RGPD2: variants seen among roughly 807,000 people sequenced by gnomAD.
The protein encoded by RGPD2 is RANBP2-like and GRIP domain-containing protein 2.
Under a neutral mutation model 36.0 loss-of-function variants are expected in RGPD2, and 2 were observed. The ratio of observed to expected loss-of-function variants is 0.06; its 90% confidence interval spans 0.02 to 0.17. The LOEUF is 0.17. RGPD2 is among the 10% of genes least tolerant of loss of function. The probability of loss-of-function intolerance (pLI) is 1.00; values close to 1 mark genes in which losing one functional copy is unlikely to be tolerated. For missense variants in RGPD2, 40 were observed against 464.3 expected (o/e 0.09, Z 8.40); for synonymous variants, 19 against 163.8 (o/e 0.12, Z 6.75).
chr2:87,864,769 T>C, the RGPD2 span, among the ~76,000 whole-genome samples: 1 of 152,284 alleles, frequency 6.6e-6, no homozygotes, highest in Non-Finnish European at 1.5e-5. Flanking sequence ...AAATGTCTGT[T>C]CATACCTTTT....
chr2:87,985,751 T>C, the RGPD2 span: 1 of 1,607,100 alleles, frequency 6.2e-7, no homozygotes. Context: ...CTAAGCGGTC[T>C]GTGTTAAAAC....
intron 6 of RGPD2, among the ~76,000 whole-genome samples, chr2:87,809,051 A>C (rs1239500850): frequency 2.3e-3 from 238 of 102,902 alleles, no homozygotes; most frequent in Middle Eastern, 8.9e-3. Context: ...CATGCCTGTA[A>C]TCCCAGCACT....
At chr2:87,825,454 G>A (rs1161033510) in intron 1 of RGPD2, among the ~76,000 whole-genome samples, 11 of 94,990 alleles carry the variant, frequency 1.2e-4, no homozygotes, top group African/African-American at 3.5e-4. Context: ...CGGCCAGGCC[G>A]AGGCCGAGGC....
the RGPD2 span, among the ~76,000 whole-genome samples, chr2:87,915,045 G>T: frequency 6.6e-6 from 1 of 151,884 alleles, no homozygotes; most frequent in Non-Finnish European, 1.5e-5. Flanking sequence ...TACTCAGGAG[G>T]CTGTGGCAGG....
the RGPD2 span, among the ~76,000 whole-genome samples, chr2:87,883,807 A>G: frequency 1.3e-5 from 2 of 152,236 alleles, no homozygotes; most frequent in Non-Finnish European, 2.9e-5. Context: ...AAACAATAAT[A>G]ATAAATCGAA....
At chr2:87,985,611 C>A in the RGPD2 span, 5 of 979,912 alleles carry the variant, frequency 5.1e-6, no homozygotes, top group Admixed American at 4.1e-5. Context: ...ACCTTAATAT[C>A]ATTCTATTAT....
the RGPD2 span, among the ~76,000 whole-genome samples, chr2:87,910,400 T>C: frequency 1.3e-5 from 2 of 152,022 alleles, no homozygotes; most frequent in African/African-American, 2.4e-5. Flanking sequence ...TCAGCCTTGA[T>C]TCTCAAGCCT....
chr2:87,767,376 C>CA (rs1381157041), intron 22 of RGPD2: 1 of 9,692 alleles, frequency 1.0e-4, no homozygotes, highest in African/African-American at 2.6e-4. Context: ...GCTGTGTTCT[C>CA]AGATCTGGCA....
At chr2:87,936,318 C>T in the RGPD2 span, among the ~76,000 whole-genome samples, 12 of 151,244 alleles carry the variant, frequency 7.9e-5, no homozygotes, top group South Asian at 6.3e-4. Context: ...TCTGAATTAG[C>T]GAAAATTCTA....
At chr2:87,791,385 TG>T (rs1685724510) in intron 17 of RGPD2, among the ~76,000 whole-genome samples, 1 of 149,052 alleles carries the variant, frequency 6.7e-6, no homozygotes, top group African/African-American at 2.4e-5. Flanking sequence ...TGGTGGCGGG[TG>T]CCTGTAATCC....
At chr2:87,844,207 TATA>T in the RGPD2 span, among the ~76,000 whole-genome samples, 1 of 142,506 alleles carries the variant, frequency 7.0e-6, no homozygotes, top group Non-Finnish European at 1.5e-5. Flanking sequence ...AAACTTAAAG[TATA>T]ATAATAATAA....
At chr2:87,955,987 CTTA>C in the RGPD2 span, among the ~76,000 whole-genome samples, 1 of 35,072 alleles carries the variant, frequency 2.9e-5, no homozygotes, top group East Asian at 6.4e-4. Context: ...TTTGTTTTTT[CTTA>C]TTTTCTTTCT....
At chr2:87,798,660 C>G (rs1277030039) in intron 8 of RGPD2, among the ~76,000 whole-genome samples, 2 of 113,408 alleles carry the variant, frequency 1.8e-5, no homozygotes, top group African/African-American at 6.2e-5. Flanking sequence ...TCAAGACCAT[C>G]CTGGCTAACA....
chr2:87,854,925 C>G, the RGPD2 span, among the ~76,000 whole-genome samples: 1 of 152,134 alleles, frequency 6.6e-6, no homozygotes, highest in Non-Finnish European at 1.5e-5. Flanking sequence ...ATTTGATATA[C>G]ATATGCATTG....
chr2:87,847,162 T>C, the RGPD2 span, among the ~76,000 whole-genome samples: 1 of 152,170 alleles, frequency 6.6e-6, no homozygotes, highest in Admixed American at 6.5e-5. Context: ...TGATGATATA[T>C]GTTATTACAT....
chr2:87,923,753 T>C, the RGPD2 span, among the ~76,000 whole-genome samples: 1 of 141,078 alleles, frequency 7.1e-6, no homozygotes, highest in Non-Finnish European at 1.5e-5. Context: ...GCTCCTCAAA[T>C]GTGCTTTCAT....
At chr2:87,837,200 C>A in the RGPD2 span, among the ~76,000 whole-genome samples, 28 of 149,920 alleles carry the variant, frequency 1.9e-4, no homozygotes, top group Non-Finnish European at 3.4e-4. Flanking sequence ...ACATTCAGGA[C>A]CCAAATTTGA....
At chr2:87,930,756 T>G in the RGPD2 span, among the ~76,000 whole-genome samples, 7 of 150,992 alleles carry the variant, frequency 4.6e-5, no homozygotes, top group Admixed American at 1.3e-4. Flanking sequence ...GTTATTGATC[T>G]GTTCAGAGAT....
At chr2:87,918,609 T>C in the RGPD2 span, among the ~76,000 whole-genome samples, 1 of 151,994 alleles carries the variant, frequency 6.6e-6, no homozygotes, top group African/African-American at 2.4e-5. Flanking sequence ...CTCTGAAATG[T>C]TTGCATCTGC....
Sources: allele counts gnomAD v4.1 joint callset (sites outside exome capture counted in the v4.1 genomes callset), GRCh38; gene constraint gnomAD v4.1.1; transcripts MANE v1.5; gene names NCBI Gene and HGNC (gene_info 2026-07-23, HGNC 2026-07-21).